Variants in FBLN2 observed in about 807,000 individuals in gnomAD.
FBLN2 encodes the protein fibulin-2.
Under a neutral mutation model 123.7 loss-of-function variants are expected in FBLN2, and 81 were observed. The ratio of observed to expected loss-of-function variants is 0.65; its 90% CI spans 0.55 to 0.79. The LOEUF (loss-of-function observed/expected upper bound fraction) is 0.79. FBLN2 is among the 30% of genes least tolerant of loss of function. The pLI, the probability that FBLN2 is intolerant of heterozygous loss-of-function variation, is 0.00. For synonymous variants in FBLN2, 699 were observed against 701.4 expected (o/e 1.00, Z 0.05); for missense variants, 1,603 against 1,681.3 (o/e 0.95, Z 0.81).
Position 13,570,610 on chromosome 3 carries a change from C to T in FBLN2, c.255C>T (p.Ala85=), listed in dbSNP as rs773094473. ...QGGFVRGRVP[A]GQSYFVDFGS... ...GCTTCGTGCGCGGCCGCGTGCCCGCCGGTCAGTCCTATTTTGTGGACTTCG... is the reference window on the plus strand; with the variant it reads ...GCTTCGTGCGCGGCCGCGTGCCCGCTGGTCAGTCCTATTTTGTGGACTTCG... The change falls in exon 2 of 18, where the codon GCC becomes GCT. Residue 85 remains alanine, a synonymous_variant. Transcript: ENST00000404922. 46 of 1,578,778 alleles carry T rather than the reference C, an allele frequency of 2.9e-5. 1 individual carries two copies. The highest frequency in any genetic ancestry group is 2.1e-4 in the East Asian group (9 of 43,004).
rs2882376 is a variant in FBLN2 at position 13,574,299 on chromosome 3, C to T, written c.1306+2638C>T. 5.3e-4 allele frequency among the ~76,000 whole-genome samples: 80 copies of T among 152,338 alleles called. 1 individual carries two copies. The highest frequency in any genetic ancestry group is 1.9e-3 in the African/African-American group (78 of 41,586). On this transcript the variant is annotated intron_variant, in intron 2 of 17. Transcript: ENST00000404922. ...GCCACAGGCTGTGCTGAGAGGCCTT[C>T]TGCAGGTCAGGGGCTGCCCCCAGCT...
At chr3:13,557,285 A>T (rs1703488740) in intron 1 of FBLN2, among the ~76,000 whole-genome samples, 1 of 152,240 alleles carries the variant, frequency 6.6e-6, no homozygotes, top group African/African-American at 2.4e-5. Context: ...TACTGCAGGG[A>T]CACATAACCC....
intron 1 of FBLN2, among the ~76,000 whole-genome samples, chr3:13,566,946 A>G (rs934025540): frequency 6.6e-6 from 1 of 152,264 alleles, no homozygotes; most frequent in African/African-American, 2.4e-5. Flanking sequence ...ATGCAGAACC[A>G]GGGCTCAGAG....
rs2124823061 is a variant in FBLN2, at chr3:13,570,584, G to T, written c.229G>T (p.Gly77Cys). The change falls in exon 2 of 18, where the codon GGC becomes TGC. Residue 77 changes from glycine to cysteine, a missense_variant. Gly to Cys is a radical substitution (Grantham distance 159). Coordinates refer to ENST00000404922, the MANE Select transcript of FBLN2 (RefSeq NM_001004019.2). The stretch of plus-strand genomic sequence containing the variant: ...CCAGTACTATGACTGCCTACAGGGT[G>T]GCTTCGTGCGCGGCCGCGTGCCCGC... The part of the protein sequence containing the change: ...GYQYYDCLQG[G>C]FVRGRVPAGQ... 1 of 1,582,678 alleles carries T rather than the reference G, an allele frequency of 6.3e-7. No homozygotes were observed. Among genetic ancestry groups the T allele is most frequent in the African/African-American group, 1.3e-5 (1 of 74,516 alleles).
At chr3:13,609,400 G>A (rs1231716614) in intron 3 of FBLN2, 113 bp from the exon 4 acceptor site, 26 of 1,254,376 alleles carry the variant, frequency 2.1e-5, no homozygotes, top group East Asian at 5.5e-5. Context: ...CACCTGCACC[G>A]GCTCCCTTGC....
At chr3:13,575,146 T>C (rs558253421) in intron 2 of FBLN2, among the ~76,000 whole-genome samples, 5 of 152,244 alleles carry the variant, frequency 3.3e-5, no homozygotes, top group African/African-American at 1.2e-4. Context: ...GGACACAAAT[T>C]AGCTCATTTA....
At chr3:13,575,830 C>T (rs893761065) in intron 2 of FBLN2, among the ~76,000 whole-genome samples, 1 of 152,168 alleles carries the variant, frequency 6.6e-6, no homozygotes, top group African/African-American at 2.4e-5. Context: ...ATGCATGTTC[C>T]GCTCCTCCCC....
chr3:13,598,021 G>A (rs974765353), intron 2 of FBLN2, among the ~76,000 whole-genome samples: 7 of 152,164 alleles, frequency 4.6e-5, no homozygotes, highest in African/African-American at 1.7e-4. Context: ...GCTCCCCCTC[G>A]GCCTGAGCTC....
intron 2 of FBLN2, among the ~76,000 whole-genome samples, chr3:13,583,006 T>C (rs1704383986): frequency 6.6e-6 from 1 of 152,274 alleles, no homozygotes; most frequent in African/African-American, 2.4e-5. Context: ...CCTCCAGATG[T>C]GCAGCAGCGT....
intron 2 of FBLN2, among the ~76,000 whole-genome samples, chr3:13,585,567 G>A (rs1474850712): frequency 6.6e-6 from 1 of 152,194 alleles, no homozygotes; most frequent in Admixed American, 6.5e-5. Flanking sequence ...TGACAGCGTA[G>A]CCATTACTCG....
chr3:13,634,018 G>T (rs935665230), intron 16 of FBLN2, among the ~76,000 whole-genome samples: 2 of 100,708 alleles, frequency 2.0e-5, no homozygotes, highest in Admixed American at 1.2e-4. Context: ...TCTGAGTCCC[G>T]GTCGTTTCTG....
At position 13,570,308 on chromosome 3, in the gene FBLN2, C is replaced by T; in HGVS notation, c.-41-7C>T. On this transcript the variant is annotated splice_polypyrimidine_tract_variant and splice_region_variant and intron_variant, in intron 1 of 17. Coordinates refer to ENST00000404922, the MANE Select transcript of FBLN2 (RefSeq NM_001004019.2). ...GTACTGACAGGCTTCCTTTCTGATT[C>T]CCCCAGGGTCTTACAGGAGAGGGGA... 1 of 1,467,522 alleles carries T rather than the reference C, an allele frequency of 6.8e-7. No individual in the cohort carries two copies. The highest frequency in any genetic ancestry group is 9.0e-7 in the Non-Finnish European group (1 of 1,106,772). The allele number at this position is 1,467,522 out of a possible 1,614,324, so 90.9% of individuals were successfully genotyped here. A position where few individuals can be genotyped will look rare whatever the true frequency, so the allele number is the denominator to read the frequency against.
chr3:13,636,712 C>G (rs1706485824), intron 17 of FBLN2, 144 bp downstream of exon 17: 7 of 978,712 alleles, frequency 7.2e-6, no homozygotes, highest in Non-Finnish European at 8.8e-6. Flanking sequence ...GCTAGGTGAC[C>G]AAAACAAATA....
chr3:13,601,459 A>C (rs1300852120), intron 2 of FBLN2, among the ~76,000 whole-genome samples: 3 of 152,186 alleles, frequency 2.0e-5, no homozygotes, highest in Admixed American at 6.5e-5. Context: ...ACAGAGACTG[A>C]AGTCAGGACT....
rs1172273275 is a variant in FBLN2 at position 13,606,333 on chromosome 3, T to A, written c.1307-1729T>A. The stretch of plus-strand genomic sequence containing the variant: ...CTTAATATGTCAGCAGTCTATTATA[T>A]GTGTACATGGAGTTCTTTGTTATAC... On this transcript the variant is annotated intron_variant, in intron 2 of 17. Coordinates refer to ENST00000404922, the MANE Select transcript of FBLN2 (RefSeq NM_001004019.2). Among the ~76,000 whole-genome samples, 4 of 152,274 alleles carry A rather than the reference T, an allele frequency of 2.6e-5. No homozygotes were observed. The East Asian group carries it at 7.7e-4, about 29-fold the overall frequency.
In FBLN2 at chr3:13,635,569, C is replaced by T. The variant is rs993086817; in HGVS notation, c.3215-876C>T. ...GCGTGTGCTCACGTGTGTGCTGAACCTATGTGCCTGTTGGAGTTGCACATG... is the reference window on the plus strand; with the variant it reads ...GCGTGTGCTCACGTGTGTGCTGAACTTATGTGCCTGTTGGAGTTGCACATG... On this transcript the variant is annotated intron_variant, in intron 16 of 17. Transcript: ENST00000404922. Among the ~76,000 whole-genome samples the T allele has an allele frequency of 4.6e-5, 7 of 152,298 alleles. No individual in the cohort carries two copies. In the South Asian group the frequency reaches 1.4e-3, roughly 32 times the overall value.
intron 2 of FBLN2, among the ~76,000 whole-genome samples, chr3:13,607,433 G>A (rs565430697): frequency 1.3e-5 from 2 of 152,346 alleles, no homozygotes; most frequent in South Asian, 2.1e-4. Context: ...AGGCTTAGGA[G>A]GGGGAGGAGG....
chr3:13,591,950 G>A (rs981259664), intron 2 of FBLN2, among the ~76,000 whole-genome samples: 9 of 151,156 alleles, frequency 6.0e-5, no homozygotes, highest in Non-Finnish European at 1.0e-4. Context: ...CCCCTACTGC[G>A]TTACATTGTT....
chr3:13,614,633 A>C (rs1574984868), intron 5 of FBLN2, among the ~76,000 whole-genome samples: 10 of 46,204 alleles, frequency 2.2e-4, no homozygotes, highest in East Asian at 8.7e-4. Flanking sequence ...TACCCACCCA[A>C]TTATCCATCC....
Sources: allele counts gnomAD v4.1 joint callset (sites outside exome capture counted in the v4.1 genomes callset), GRCh38; gene constraint gnomAD v4.1.1; transcripts MANE v1.5; gene names NCBI Gene and HGNC (gene_info 2026-07-23, HGNC 2026-07-21).